Variants in EFCAB11 observed in about 807,000 individuals in gnomAD.
EFCAB11 encodes EF-hand calcium-binding domain-containing protein 11.
EFCAB11 carries 14 observed loss-of-function variants against 23.0 expected under a neutral mutation model. The observed-to-expected ratio is 0.61, with a 90% CI of 0.40 to 0.95. The LOEUF (loss-of-function observed/expected upper bound fraction) is 0.95. EFCAB11 is among the 40% of genes least tolerant of loss of function. EFCAB11 has a pLI of 0.00. For missense variants in EFCAB11, 198 were observed against 195.8 expected, an observed-to-expected ratio of 1.01 and a Z score of -0.07; for synonymous variants, 65 against 66.6, an observed-to-expected ratio of 0.98 and a Z score of 0.11.
At chr14:89,899,866 G>T (rs1230918512) in intron 5 of EFCAB11, among the ~76,000 whole-genome samples, 1 of 152,090 alleles carries the variant, frequency 6.6e-6, no homozygotes, top group South Asian at 2.1e-4. Flanking sequence ...TGCACTGAGG[G>T]TAATACTGTG....
At chr14:89,819,609 C>A (rs987132844) in intron 5 of EFCAB11, among the ~76,000 whole-genome samples, 1 of 140,242 alleles carries the variant, frequency 7.1e-6, no homozygotes, top group Non-Finnish European at 1.5e-5. Flanking sequence ...ATAAAAAAAA[C>A]CCATTTCTTT....
At chr14:89,853,442 T>C (rs1887656442) in intron 5 of EFCAB11, among the ~76,000 whole-genome samples, 1 of 152,224 alleles carries the variant, frequency 6.6e-6, no homozygotes, top group Admixed American at 6.5e-5. Flanking sequence ...TGTCACTGAA[T>C]GCCCATAATC....
chr14:89,810,821 A>G (rs1384839817), intron 5 of EFCAB11, among the ~76,000 whole-genome samples: 1 of 152,010 alleles, frequency 6.6e-6, no homozygotes, highest in Non-Finnish European at 1.5e-5. Flanking sequence ...AAACACTAAG[A>G]GCCCACTATG....
chr14:89,895,005 C>T (rs1345988638), intron 5 of EFCAB11, among the ~76,000 whole-genome samples: 2 of 152,200 alleles, frequency 1.3e-5, no homozygotes, highest in African/African-American at 4.8e-5. Flanking sequence ...CTTGCCTCTA[C>T]TATTTACTAG....
At position 89,794,958 on chromosome 14, in the gene EFCAB11, T is replaced by C. The variant is rs1885524292; in HGVS notation, c.*2285A>G. ...CTAAAGTCCATGCTTGATTTGTTTCTACTTAATGTCTTTTTTTTTTTTTTT... is the reference window on the plus strand; with the variant it reads ...CTAAAGTCCATGCTTGATTTGTTTCCACTTAATGTCTTTTTTTTTTTTTTT... On this transcript the variant is annotated 3_prime_UTR_variant, in exon 6 of 6. Coordinates refer to ENST00000316738, the MANE Select transcript of EFCAB11 (RefSeq NM_145231.4). 1 of 149,438 alleles carries C rather than the reference T, an allele frequency of 6.7e-6. No individual in the cohort carries two copies. 9.3% of individuals were successfully genotyped at this position (149,438 alleles called of 1,614,324 possible).
intron 5 of EFCAB11, among the ~76,000 whole-genome samples, chr14:89,891,781 T>G (rs924448907): frequency 2.0e-5 from 3 of 152,058 alleles, no homozygotes; most frequent in Admixed American, 6.5e-5. Flanking sequence ...GATAATAGGA[T>G]AGGGACGCGG....
intron 5 of EFCAB11, among the ~76,000 whole-genome samples, chr14:89,903,896 G>T (rs1018068759): frequency 1.3e-5 from 2 of 152,120 alleles, no homozygotes; most frequent in Non-Finnish European, 2.9e-5. Flanking sequence ...CATGGCATCA[G>T]ATGGATTCCT....
At chr14:89,864,335 C>T (rs1451616215) in intron 5 of EFCAB11, among the ~76,000 whole-genome samples, 2 of 152,192 alleles carry the variant, frequency 1.3e-5, no homozygotes, top group Non-Finnish European at 2.9e-5. Context: ...GATGGCCTGA[C>T]GGTCTACCCT....
intron 5 of EFCAB11, among the ~76,000 whole-genome samples, chr14:89,870,923 G>A (rs920837158): frequency 1.3e-5 from 2 of 152,178 alleles, no homozygotes; most frequent in Non-Finnish European, 2.9e-5. Flanking sequence ...ATGGTCAACA[G>A]AGTGAGATTT....
intron 5 of EFCAB11, among the ~76,000 whole-genome samples, chr14:89,807,543 G>A (rs192825486): frequency 6.6e-6 from 1 of 152,360 alleles, no homozygotes; most frequent in Non-Finnish European, 1.5e-5. Flanking sequence ...GCAACAAATA[G>A]AGTTGAAGTT....
chr14:89,855,441 A>C (rs746195727), intron 5 of EFCAB11, among the ~76,000 whole-genome samples: 1 of 152,076 alleles, frequency 6.6e-6, no homozygotes, highest in African/African-American at 2.4e-5. Context: ...GTGCCTCTGT[A>C]CTCCAGCCTG....
chr14:89,821,989 C>T (rs1405651214), intron 5 of EFCAB11, among the ~76,000 whole-genome samples: 2 of 152,184 alleles, frequency 1.3e-5, no homozygotes. Flanking sequence ...AAACATTACA[C>T]ATGACATTTC....
intron 3 of EFCAB11, among the ~76,000 whole-genome samples, chr14:89,940,795 A>C (rs1363697177): frequency 6.6e-6 from 1 of 152,246 alleles, no homozygotes; most frequent in Non-Finnish European, 1.5e-5. Context: ...CATAGATCCG[A>C]GATAATAACA....
chr14:89,892,288 C>A (rs1888996735), intron 5 of EFCAB11: 4 of 1,613,706 alleles, frequency 2.5e-6, no homozygotes, highest in Non-Finnish European at 3.4e-6. Context: ...GCAATGTGGA[C>A]CTGGCCTTTG....
chr14:89,866,379 A>C (rs1888092750), intron 5 of EFCAB11, among the ~76,000 whole-genome samples: 1 of 152,240 alleles, frequency 6.6e-6, no homozygotes, highest in South Asian at 2.1e-4. Context: ...TCCCCTGCTT[A>C]AAATTCCTAA....
chr14:89,886,546 G>GAAAAAAA (rs1566797371), intron 5 of EFCAB11, among the ~76,000 whole-genome samples: 1 of 18,148 alleles, frequency 5.5e-5, no homozygotes, highest in African/African-American at 2.4e-4. Context: ...AAAAAAAAAG[G>GAAAAAAA]AAAGTGATCT....
chr14:89,797,794 A>G (rs1403607029), intron 5 of EFCAB11, among the ~76,000 whole-genome samples: 3 of 152,116 alleles, frequency 2.0e-5, no homozygotes, highest in Non-Finnish European at 4.4e-5. Flanking sequence ...TTAGCCAGGC[A>G]TGGTGGTGGG....
chr14:89,894,944 G>C (rs944069132), intron 5 of EFCAB11, among the ~76,000 whole-genome samples: 11 of 152,204 alleles, frequency 7.2e-5, no homozygotes, highest in African/African-American at 2.7e-4. Flanking sequence ...GTGCAATATA[G>C]AGTAGTAATT....
intron 3 of EFCAB11, among the ~76,000 whole-genome samples, chr14:89,938,343 G>A (rs762524557): frequency 5.9e-5 from 9 of 152,184 alleles, no homozygotes; most frequent in Non-Finnish European, 8.8e-5. Context: ...TCTTTCAAAA[G>A]ACATAATGCC....
Sources: gnomAD v4.1 joint callset for allele counts (sites outside exome capture counted in the v4.1 genomes callset) on GRCh38, gnomAD v4.1.1 for gene constraint, MANE v1.5 for transcripts, NCBI Gene and HGNC (gene_info 2026-07-23, HGNC 2026-07-21) for gene names.